The following RGS9 variants were observed in gnomAD, a reference collection of about 807,000 sequenced individuals.
RGS9 encodes the protein regulator of G protein signaling 9, also known as regulator of G-protein signalling 9.
In RGS9, 78 loss-of-function variants were observed where a neutral mutation model predicts 102.0. The ratio of observed to expected loss-of-function variants is 0.76; its 90% CI spans 0.64 to 0.92. The LOEUF (loss-of-function observed/expected upper bound fraction) is 0.92. Ranked by LOEUF, RGS9 falls within the 40% of genes least tolerant of loss-of-function variation. The pLI is 0.00. For missense variants in RGS9, 833 were observed against 866.1 expected (o/e 0.96, Z 0.48); for synonymous variants, 353 against 318.6 (o/e 1.11, Z -1.15).
Position 65,153,511 on chromosome 17 carries a change from C to G in RGS9, c.147C>G (p.Ala49=). 2 of 1,613,164 alleles carry G rather than the reference C, an allele frequency of 1.2e-6. No individual in the cohort carries two copies. Among genetic ancestry groups the G allele is most frequent in the Non-Finnish European group, 1.7e-6 (2 of 1,179,086 alleles). ...QRVLVTSVPH[A]MTGSDVLQWI... Reference sequence around the variant, plus strand: ...TCCTGGTCACCAGCGTTCCTCATGCCATGACAGGTGATGTAGCTTGCACTT... The same window carrying G: ...TCCTGGTCACCAGCGTTCCTCATGCGATGACAGGTGATGTAGCTTGCACTT... Residue 49 remains alanine, a synonymous_variant, in exon 2 of 19, where the codon GCC becomes GCG. Transcript: ENST00000262406.
chr17:65,150,963 A>G (rs890649018), intron 1 of RGS9, among the ~76,000 whole-genome samples: 3 of 152,358 alleles, frequency 2.0e-5, no homozygotes, highest in African/African-American at 4.8e-5. Flanking sequence ...TGTCAAGATC[A>G]GTAGCAAACA....
At chr17:65,222,500 G>A (rs1201068276) in intron 17 of RGS9, among the ~76,000 whole-genome samples, 2 of 152,352 alleles carry the variant, frequency 1.3e-5, no homozygotes, top group East Asian at 3.9e-4. Context: ...GACTAGTCAT[G>A]AGAGCTGGTA....
rs372507797 is a variant in RGS9, at chr17:65,204,877, C to T, written c.1203+576C>T. Among the ~76,000 whole-genome samples, 140 of 152,290 alleles carry T rather than the reference C, an allele frequency of 9.2e-4. 2 individuals are homozygous for T. In the South Asian group the frequency reaches 0.027, roughly 29 times the overall value. ...ATCTAGTGGCTTGGTCAAGGTCTCACCAGAGATGGGGCTGGGATTCATAGC... is the reference window on the plus strand; with the variant it reads ...ATCTAGTGGCTTGGTCAAGGTCTCATCAGAGATGGGGCTGGGATTCATAGC... On this transcript the variant is annotated intron_variant, in intron 15 of 18. Transcript: ENST00000262406.
intron 1 of RGS9, among the ~76,000 whole-genome samples, chr17:65,150,795 T>C (rs991299668): frequency 1.3e-5 from 2 of 152,218 alleles, no homozygotes; most frequent in East Asian, 3.9e-4. Flanking sequence ...CCACAGCTTC[T>C]CTCTGGTTTC....
At chr17:65,162,979 G>A in intron 6 of RGS9, 34 bp from the exon 7 acceptor site, 1 of 1,200,004 alleles carries the variant, frequency 8.3e-7, no homozygotes, top group African/African-American at 1.5e-5. Context: ...TATGTCTTGG[G>A]GCTTTCTGTT....
intron 9 of RGS9, among the ~76,000 whole-genome samples, chr17:65,184,189 G>A (rs561033826): frequency 4.6e-5 from 7 of 152,202 alleles, no homozygotes; most frequent in Middle Eastern, 3.4e-3. Flanking sequence ...AGAATTGTGC[G>A]TACTTTTTTT....
At chr17:65,198,650 T>C (rs2144083860) in intron 13 of RGS9, among the ~76,000 whole-genome samples, 1 of 152,296 alleles carries the variant, frequency 6.6e-6, no homozygotes, top group African/African-American at 2.4e-5. Flanking sequence ...CCACCTTCAT[T>C]GAAATATTTA....
At chr17:65,226,065 CT>C (rs1261621129) in intron 18 of RGS9, among the ~76,000 whole-genome samples, 1 of 152,230 alleles carries the variant, frequency 6.6e-6, no homozygotes, top group Non-Finnish European at 1.5e-5. Flanking sequence ...GGGGGGGCCC[CT>C]CTAAACTTCA....
chr17:65,150,993 C>G (rs1204035365), intron 1 of RGS9, among the ~76,000 whole-genome samples: 1 of 152,198 alleles, frequency 6.6e-6, no homozygotes, highest in Non-Finnish European at 1.5e-5. Flanking sequence ...AAGAGAAACA[C>G]CTGGGTTTTC....
intron 12 of RGS9, among the ~76,000 whole-genome samples, chr17:65,195,613 A>T (rs9898825): frequency 6.6e-6 from 1 of 152,014 alleles, no homozygotes; most frequent in Non-Finnish European, 1.5e-5. Context: ...CGTGTCATTC[A>T]TAAGCCTTTG....
Position 65,137,443 on chromosome 17 carries a change from C to T in RGS9, c.-98C>T. The T allele has an allele frequency of 7.7e-7, 1 of 1,296,932 alleles. No homozygotes were observed. Among genetic ancestry groups the T allele is most frequent in the South Asian group, 1.2e-5 (1 of 84,730 alleles). 80.3% of individuals were successfully genotyped at this position (1,296,932 alleles called of 1,614,324 possible). On this transcript the variant is annotated 5_prime_UTR_variant, in exon 1 of 19. Coordinates refer to ENST00000262406, the MANE Select transcript of RGS9 (RefSeq NM_003835.4). ...CCGCCCAGCCGCCTCCCCGTCGACG[C>T]CCAGGGCTGGGGCGAGCCAGGCTGC...
At position 65,161,782 on chromosome 17, in the gene RGS9, C is replaced by T. The variant is rs566880071; in HGVS notation, c.423+873C>T. On this transcript the variant is annotated intron_variant, in intron 6 of 18. Coordinates refer to ENST00000262406, the MANE Select transcript of RGS9 (RefSeq NM_003835.4). Reference sequence around the variant, plus strand: ...TCACCCAGGCTGGCCTATAGTGGTGCAGTCTCGGCTCACTGCAACTTCTGT... The same window carrying T: ...TCACCCAGGCTGGCCTATAGTGGTGTAGTCTCGGCTCACTGCAACTTCTGT... 1.2e-4 allele frequency among the ~76,000 whole-genome samples: 18 copies of T among 151,942 alleles called. 1 individual carries two copies. The highest frequency in any genetic ancestry group is 6.2e-4 in the South Asian group (3 of 4,822).
At chr17:65,215,397 G>T (rs1408809302) in intron 17 of RGS9, among the ~76,000 whole-genome samples, 1 of 152,168 alleles carries the variant, frequency 6.6e-6, no homozygotes, top group Non-Finnish European at 1.5e-5. Context: ...CACCAGGGAG[G>T]TTTGGAGTCC....
At chr17:65,155,518 C>T (rs751699996) in intron 2 of RGS9, among the ~76,000 whole-genome samples, 1 of 152,072 alleles carries the variant, frequency 6.6e-6, no homozygotes, top group Non-Finnish European at 1.5e-5. Context: ...TTACTTTCTC[C>T]ATTGTTTTTG....
intron 1 of RGS9, among the ~76,000 whole-genome samples, chr17:65,152,432 C>T (rs779160845): frequency 4.5e-4 from 69 of 152,284 alleles, no homozygotes; most frequent in Admixed American, 9.2e-4. Context: ...GGAACAGCCA[C>T]GCAGAAGAGT....
chr17:65,158,231 C>A lies in RGS9; in HGVS notation c.155-64C>A, dbSNP rs1391837913. 7.5e-6 allele frequency: 11 copies of A among 1,471,770 alleles called. No homozygotes were observed. The Admixed American group carries it at 1.2e-4, about 16-fold the overall frequency. The allele number at this position is 1,471,770 out of a possible 1,614,324, so 91.2% of individuals were successfully genotyped here. A position where few individuals can be genotyped will look rare whatever the true frequency, so the allele number is the denominator to read the frequency against. ...GGGAAGGAGACCAGTCAGGCAACAGCGTGGAGGAGCGGGGATGTGTCAGGA... is the reference window on the plus strand; with the variant it reads ...GGGAAGGAGACCAGTCAGGCAACAGAGTGGAGGAGCGGGGATGTGTCAGGA... On this transcript the variant is annotated intron_variant, in intron 2 of 18. Coordinates refer to ENST00000262406, the MANE Select transcript of RGS9 (RefSeq NM_003835.4).
chr17:65,155,917 C>A (rs1910750140), intron 2 of RGS9, among the ~76,000 whole-genome samples: 1 of 152,116 alleles, frequency 6.6e-6, no homozygotes. Flanking sequence ...GTTATGGAGA[C>A]CAAAGAGTTT....
chr17:65,198,027 A>G (rs1388190512), intron 13 of RGS9, among the ~76,000 whole-genome samples: 1 of 152,040 alleles, frequency 6.6e-6, no homozygotes, highest in Non-Finnish European at 1.5e-5. Context: ...GGGATATTTT[A>G]AAACATGTTT....
intron 2 of RGS9, among the ~76,000 whole-genome samples, chr17:65,156,248 C>T (rs1910762762): frequency 6.6e-6 from 1 of 152,242 alleles, no homozygotes; most frequent in Admixed American, 6.5e-5. Context: ...ATCTCGAACT[C>T]CTGACCTCAG....
Sources: allele counts gnomAD v4.1 joint callset (sites outside exome capture counted in the v4.1 genomes callset), GRCh38; gene constraint gnomAD v4.1.1; transcripts MANE v1.5; gene names NCBI Gene and HGNC (gene_info 2026-07-23, HGNC 2026-07-21).